The following UGDH variants were observed in gnomAD, a reference collection of about 807,000 sequenced individuals.
UGDH encodes UDP-glucose 6-dehydrogenase.
In UGDH, 38 loss-of-function variants were observed where a neutral mutation model predicts 50.6. The ratio of observed to expected loss-of-function variants is 0.75; its 90% CI spans 0.58 to 0.98. The LOEUF (loss-of-function observed/expected upper bound fraction) is 0.98. Ranked by LOEUF, UGDH falls within the 50% of genes least tolerant of loss-of-function variation. The probability of loss-of-function intolerance (pLI) is 0.00; values close to 1 mark genes in which losing one functional copy is unlikely to be tolerated. For synonymous variants in UGDH, 168 were observed against 199.9 expected (o/e 0.84, Z 1.35); for missense variants, 465 against 606.2 (o/e 0.77, Z 2.45).
intron 3 of UGDH, among the ~76,000 whole-genome samples, chr4:39,513,095 A>G (rs540054996): frequency 1.3e-5 from 2 of 152,204 alleles, no homozygotes; most frequent in Non-Finnish European, 2.9e-5. Context: ...AGCATGAGCC[A>G]TCATGCCCAG....
chr4:39,509,417 T>C (rs1219928811), intron 6 of UGDH, among the ~76,000 whole-genome samples: 2 of 152,236 alleles, frequency 1.3e-5, no homozygotes, highest in African/African-American at 4.8e-5. Context: ...TGTAGTCTAA[T>C]GGTCATGGCT....
chr4:39,514,448 C>T (rs563482007), intron 2 of UGDH, among the ~76,000 whole-genome samples: 6 of 152,040 alleles, frequency 3.9e-5, no homozygotes, highest in East Asian at 1.9e-4. Flanking sequence ...CTGCAGCCTC[C>T]GCCTCCTGGG....
intron 1 of UGDH, 26 bp downstream of exon 1, chr4:39,527,257 G>A (rs1746945538): frequency 1.7e-6 from 1 of 585,022 alleles, no homozygotes; most frequent in Admixed American, 3.6e-5. Context: ...CCCGGGCGGC[G>A]GGGCCAGCCT....
rs71645104 is a variant in UGDH at position 39,509,910 on chromosome 4, TAA to T, written c.664-5_664-4del. The T allele has an allele frequency of 5.6e-5, 79 of 1,398,460 alleles. No homozygotes were observed. The African/African-American group carries it at 6.1e-4, about 11-fold the overall frequency. 86.6% of individuals were successfully genotyped at this position (1,398,460 alleles called of 1,614,324 possible). Reference sequence around the variant, plus strand: ...TGGGCAAGAAAAGCATTTGCTGCCTTAAAAAAAAAAAACATAGAGAAGAGTAA... The same window carrying T: ...TGGGCAAGAAAAGCATTTGCTGCCTTAAAAAAAAAACATAGAGAAGAGTAA... On this transcript the variant is annotated splice_polypyrimidine_tract_variant and splice_region_variant and intron_variant, in intron 5 of 11. Transcript: ENST00000316423.
rs111436071 is a variant in UGDH at position 39,509,908 on chromosome 4, C to CT, written c.664-2dup. On this transcript the variant is annotated splice_acceptor_variant, in intron 5 of 11. Transcript: ENST00000316423. LOFTEE classifies it high-confidence loss of function. ...TCTGGGCAAGAAAAGCATTTGCTGC[C>CT]TTAAAAAAAAAAAACATAGAGAAGA... The CT allele has an allele frequency of 4.5e-6, 7 of 1,561,128 alleles. No homozygotes were observed. In the African/African-American group the frequency reaches 7.2e-5, roughly 16 times the overall value.
At chr4:39,503,207 G>A (rs376802039) in intron 11 of UGDH, among the ~76,000 whole-genome samples, 69 of 152,192 alleles carry the variant, frequency 4.5e-4, no homozygotes, top group African/African-American at 1.2e-3. Flanking sequence ...GAGCCACCGC[G>A]CCCAGCAATT....
Position 39,512,161 on chromosome 4 carries a change from C to T in UGDH, c.265-1300G>A, listed in dbSNP as rs112839740. ...GGATAGTGAGCTCTCTAAAAACTAA[C>T]ACATGAATGTTATAATGCTCTGACA... On this transcript the variant is annotated intron_variant, in intron 3 of 11. Coordinates refer to ENST00000316423, the MANE Select transcript of UGDH (RefSeq NM_003359.4). 9.8e-3 allele frequency among the ~76,000 whole-genome samples: 1,485 copies of T among 152,070 alleles called. 22 individuals are homozygous for T. Among genetic ancestry groups the T allele is most frequent in the African/African-American group, 0.032 (1,341 of 41,496 alleles).
At chr4:39,500,387 A>G in intron 11 of UGDH, 134 bp from the exon 12 acceptor site, 1 of 554,274 alleles carries the variant, frequency 1.8e-6, no homozygotes, top group East Asian at 2.9e-5. Flanking sequence ...CTGAGTTGCT[A>G]TGAGAGATCT....
At chr4:39,522,740 C>T (rs1293649316) in intron 1 of UGDH, among the ~76,000 whole-genome samples, 1 of 150,112 alleles carries the variant, frequency 6.7e-6, no homozygotes, top group Non-Finnish European at 1.5e-5. Context: ...TAGATATCAA[C>T]TCATGGAGTC....
chr4:39,512,819 AT>A lies in UGDH; in HGVS notation c.264+1263del, dbSNP rs386399849. Among the ~76,000 whole-genome samples, 934 of 135,858 alleles carry A rather than the reference AT, an allele frequency of 6.9e-3. 3 individuals are homozygous for A. Among genetic ancestry groups the A allele is most frequent in the Non-Finnish European group, 0.011 (665 of 62,946 alleles). The allele number at this position is 135,858 out of a possible 152,430, so 89.1% of individuals were successfully genotyped here. ...AAGGAGGTCAAAAAGAAGAGACTGA[AT>A]TTTTTTTTTTTTTTTTTTTTGAGAC... On this transcript the variant is annotated intron_variant, in intron 3 of 11. Coordinates refer to ENST00000316423, the MANE Select transcript of UGDH (RefSeq NM_003359.4).
chr4:39,507,616 T>G (rs372244075), intron 7 of UGDH, among the ~76,000 whole-genome samples: 6 of 152,184 alleles, frequency 3.9e-5, no homozygotes, highest in African/African-American at 1.4e-4. Flanking sequence ...CGTTATAATA[T>G]AGGTTCTTAT....
At chr4:39,505,026 T>TCA (rs1745973036) in intron 9 of UGDH, among the ~76,000 whole-genome samples, 1 of 152,090 alleles carries the variant, frequency 6.6e-6, no homozygotes, top group African/African-American at 2.4e-5. Flanking sequence ...ATTTGTGGAG[T>TCA]ATGTTGGAAA....
chr4:39,514,124 T>C lies in UGDH; in HGVS notation c.223A>G (p.Ile75Val). The change falls in exon 3 of 12, where the codon ATT becomes GTT. Residue 75 changes from isoleucine to valine, a missense_variant. Coordinates refer to ENST00000316423, the MANE Select transcript of UGDH (RefSeq NM_003359.4). Reference sequence around the variant, plus strand: ...TCAGCTTCTTTGATGGCATCATCAATATTGGTAGAAAAAAAAAGATTTTTT... The same window carrying C: ...TCAGCTTCTTTGATGGCATCATCAACATTGGTAGAAAAAAAAAGATTTTTT... ...RGKNLFFSTN[I>V]DDAIKEADLV... The C allele has an allele frequency of 6.3e-7, 1 of 1,585,946 alleles. No homozygotes were observed. The highest frequency in any genetic ancestry group is 1.4e-5 in the African/African-American group (1 of 72,652).
At chr4:39,513,647 C>T (rs1746331796) in intron 3 of UGDH, among the ~76,000 whole-genome samples, 1 of 150,326 alleles carries the variant, frequency 6.7e-6, no homozygotes, top group Admixed American at 6.7e-5. Flanking sequence ...AGCGATTCTC[C>T]TGCCTCAGCC....
Position 39,500,066 on chromosome 4 carries a change from T to A in UGDH, c.*77A>T. 1.2e-6 allele frequency: 1 copy of A among 844,542 alleles called. No individual in the cohort carries two copies. The highest frequency in any genetic ancestry group is 2.6e-5 in the East Asian group (1 of 39,082). 52.3% of individuals were successfully genotyped at this position (844,542 alleles called of 1,614,324 possible). On this transcript the variant is annotated 3_prime_UTR_variant, in exon 12 of 12. Coordinates refer to ENST00000316423, the MANE Select transcript of UGDH (RefSeq NM_003359.4). ...AAAAAAACACTTGGTTCATTTACCA[T>A]TTAATAGCAGATAGATATTTGCTAT... is the stretch of plus-strand genomic sequence containing the variant.
intron 1 of UGDH, among the ~76,000 whole-genome samples, chr4:39,522,805 C>T (rs977349846): frequency 6.7e-5 from 10 of 149,346 alleles, no homozygotes; most frequent in East Asian, 2.0e-4. Flanking sequence ...CTTGCTCTGT[C>T]GCCAGGCTAG....
At chr4:39,519,182 G>A (rs1473244676) in intron 2 of UGDH, among the ~76,000 whole-genome samples, 1 of 151,806 alleles carries the variant, frequency 6.6e-6, no homozygotes, top group East Asian at 2.0e-4. Context: ...TTCCCAAAGT[G>A]CAGGGATTAC....
chr4:39,513,944 T>G lies in UGDH; in HGVS notation c.264+139A>C, dbSNP rs545594732. On this transcript the variant is annotated intron_variant, in intron 3 of 11. Coordinates refer to ENST00000316423, the MANE Select transcript of UGDH (RefSeq NM_003359.4). ...GGGTTTTGTGAACTGTCAGACAAAGTGACAACCAAAATTCACCGGACAACT... is the reference window on the plus strand; with the variant it reads ...GGGTTTTGTGAACTGTCAGACAAAGGGACAACCAAAATTCACCGGACAACT... 4.3e-5 allele frequency: 28 copies of G among 649,042 alleles called. 1 individual carries two copies. The highest frequency in any genetic ancestry group is 6.5e-5 in the Non-Finnish European group (25 of 386,028). The allele number at this position is 649,042 out of a possible 1,614,324, so 40.2% of individuals were successfully genotyped here.
chr4:39,502,394 G>A (rs550251777), intron 11 of UGDH, among the ~76,000 whole-genome samples: 142 of 152,344 alleles, frequency 9.3e-4, no homozygotes, highest in African/African-American at 3.2e-3. Context: ...ACAAGTTGGT[G>A]AGAGGTTAAG....
Sources: gnomAD v4.1 joint callset for allele counts (sites outside exome capture counted in the v4.1 genomes callset) on GRCh38, gnomAD v4.1.1 for gene constraint, MANE v1.5 for transcripts, NCBI Gene and HGNC (gene_info 2026-07-23, HGNC 2026-07-21) for gene names.